Variants in ZNF468 observed in about 807,000 individuals in gnomAD.
ZNF468 encodes the protein zinc finger protein 468.
ZNF468 carries 8 observed loss-of-function variants against 7.2 expected under a neutral mutation model. The observed-to-expected ratio is 1.11, with a 90% CI of 0.65 to 2.01. The LOEUF (loss-of-function observed/expected upper bound fraction) is 2.01, where lower values mean the gene tolerates loss of function less well. Ranked by LOEUF, ZNF468 falls within the 30% of genes most tolerant of loss-of-function variation. The pLI is 0.00. For synonymous variants in ZNF468, 218 were observed against 214.4 expected, an observed-to-expected ratio of 1.02 and a Z score of -0.15; for missense variants, 608 against 626.5, an observed-to-expected ratio of 0.97 and a Z score of 0.31.
chr19:52,851,638 G>C (rs1462961318), intron 2 of ZNF468, among the ~76,000 whole-genome samples: 1 of 152,008 alleles, frequency 6.6e-6, no homozygotes, highest in Non-Finnish European at 1.5e-5. Context: ...CTACCTCAGA[G>C]GCAGAGGTCA....
At position 52,849,335 on chromosome 19, in the gene ZNF468, A is replaced by G. The variant is rs1420859685; in HGVS notation, c.16-122T>C. The stretch of plus-strand genomic sequence containing the variant: ...TGTAGAGAATGTTCTGACAAATCCA[A>G]ATAAGGGATTTCTCACTACATGATG... On this transcript the variant is annotated intron_variant, in intron 2 of 3. Coordinates refer to ENST00000595646, the MANE Select transcript of ZNF468 (RefSeq NM_001008801.2). 5 of 1,549,304 alleles carry G rather than the reference A, an allele frequency of 3.2e-6. 1 individual carries two copies. The African/African-American group carries it at 5.5e-5, about 17-fold the overall frequency.
In ZNF468 at chr19:52,838,812, C is replaced by A. The variant is rs1042815934; in HGVS notation, c.*1913G>T. 21 of 152,108 alleles carry A rather than the reference C, an allele frequency of 1.4e-4. No homozygotes were observed. The highest frequency in any genetic ancestry group is 5.1e-4 in the African/African-American group (21 of 41,398). 9.4% of individuals were successfully genotyped at this position (152,108 alleles called of 1,614,324 possible). On this transcript the variant is annotated 3_prime_UTR_variant, in exon 4 of 4. Coordinates refer to ENST00000595646, the MANE Select transcript of ZNF468 (RefSeq NM_001008801.2). Reference sequence around the variant, plus strand: ...AGGTTTGTACCTTGAAATCTATAAACATTGATCAAAATGATTAAAAACATG... The same window carrying A: ...AGGTTTGTACCTTGAAATCTATAAAAATTGATCAAAATGATTAAAAACATG...
chr19:52,854,356 A>C lies in ZNF468; in HGVS notation c.-73-11T>G. ...CTTTAGAAGTCAATCCTGAATGTTA[A>C]AAATATGTTGTTTATCACTCAGAAT... On this transcript the variant is annotated splice_polypyrimidine_tract_variant and intron_variant, in intron 1 of 3. Coordinates refer to ENST00000595646, the MANE Select transcript of ZNF468 (RefSeq NM_001008801.2). 6.2e-7 allele frequency: 1 copy of C among 1,604,628 alleles called. No homozygotes were observed. The highest frequency in any genetic ancestry group is 8.5e-7 in the Non-Finnish European group (1 of 1,172,732).
chr19:52,850,967 T>C (rs926633277), intron 2 of ZNF468, among the ~76,000 whole-genome samples: 6 of 151,596 alleles, frequency 4.0e-5, no homozygotes, highest in Admixed American at 3.9e-4. Context: ...AATATAACAA[T>C]ATATATTTAA....
Position 52,841,112 on chromosome 19 carries a change from G to A in ZNF468, c.1182C>T (p.Arg394=), listed in dbSNP as rs767618966. The part of the protein sequence containing the change: ...KCEECDKVFS[R]KSHLERHRRI... The stretch of plus-strand genomic sequence containing the variant: ...TCCTATGTCTTTCAAGGTGTGATTT[G>A]CGACTGAAAACTTTGTCACACTCTT... Residue 394 remains arginine, a synonymous_variant, in exon 4 of 4, where the codon CGC becomes CGT. Transcript: ENST00000595646. 2 of 1,613,386 alleles carry A rather than the reference G, an allele frequency of 1.2e-6. No individual in the cohort carries two copies. Among genetic ancestry groups the A allele is most frequent in the East Asian group, 4.5e-5 (2 of 44,788 alleles).
At chr19:52,842,970 A>T (rs2063317571) in intron 3 of ZNF468, among the ~76,000 whole-genome samples, 1 of 151,704 alleles carries the variant, frequency 6.6e-6, no homozygotes, top group Admixed American at 6.6e-5. Flanking sequence ...AAAGACACAA[A>T]AAGTAGCTGG....
In ZNF468 at chr19:52,843,972, A is replaced by G. The variant is rs138445853; in HGVS notation, c.143-1821T>C. Among the ~76,000 whole-genome samples the G allele has an allele frequency of 1.1e-3, 168 of 152,256 alleles. 1 individual carries two copies. The highest frequency in any genetic ancestry group is 2.1e-3 in the Non-Finnish European group (143 of 68,014). On this transcript the variant is annotated intron_variant, in intron 3 of 3. Transcript: ENST00000595646. Reference sequence around the variant, plus strand: ...CCATCTCTACTAAAACTACAAAAAAATCAGCCAGGCATGAAGGAAGACGCC... The same window carrying G: ...CCATCTCTACTAAAACTACAAAAAAGTCAGCCAGGCATGAAGGAAGACGCC...
At chr19:52,848,040 T>C (rs1600523218) in intron 3 of ZNF468, among the ~76,000 whole-genome samples, 1 of 152,198 alleles carries the variant, frequency 6.6e-6, no homozygotes, top group Non-Finnish European at 1.5e-5. Context: ...GCTGGCGCCC[T>C]TCAGAAAGAT....
Position 52,850,638 on chromosome 19 carries a change from G to A in ZNF468, c.16-1425C>T, listed in dbSNP as rs113598785. Among the ~76,000 whole-genome samples, 362 of 152,216 alleles carry A rather than the reference G, an allele frequency of 2.4e-3. 1 individual carries two copies. The highest frequency in any genetic ancestry group is 8.4e-3 in the African/African-American group (348 of 41,538). ...TTATGGGCCGGGCGCGGTGGCTCACGCCTGTAATCCCAGCACTTTGGGAGG... is the reference window on the plus strand; with the variant it reads ...TTATGGGCCGGGCGCGGTGGCTCACACCTGTAATCCCAGCACTTTGGGAGG... On this transcript the variant is annotated intron_variant, in intron 2 of 3. Transcript: ENST00000595646.
At chr19:52,843,579 C>T (rs2063322050) in intron 3 of ZNF468, among the ~76,000 whole-genome samples, 1 of 152,056 alleles carries the variant, frequency 6.6e-6, no homozygotes, top group Non-Finnish European at 1.5e-5. Context: ...ATATTGCATA[C>T]CACATACCGA....
chr19:52,848,868 C>T (rs1162087424), intron 3 of ZNF468, among the ~76,000 whole-genome samples: 2 of 152,066 alleles, frequency 1.3e-5, no homozygotes, highest in East Asian at 3.9e-4. Flanking sequence ...AGGTTTTATG[C>T]TTACTTTACT....
At chr19:52,843,616 CAATT>C (rs2063322327) in intron 3 of ZNF468, among the ~76,000 whole-genome samples, 1 of 152,044 alleles carries the variant, frequency 6.6e-6, no homozygotes, top group Non-Finnish European at 1.5e-5. Context: ...TCATAAAAAT[CAATT>C]AATCAAATAT....
chr19:52,847,813 C>A (rs1356699556), intron 3 of ZNF468, among the ~76,000 whole-genome samples: 1 of 152,146 alleles, frequency 6.6e-6, no homozygotes. Flanking sequence ...CTTCTCCCCA[C>A]CTGTTGCCCT....
In ZNF468 at chr19:52,840,069, G is replaced by A. The variant is rs2063281620; in HGVS notation, c.*656C>T. 7.7e-6 allele frequency: 8 copies of A among 1,032,460 alleles called. No homozygotes were observed. The highest frequency in any genetic ancestry group is 1.0e-5 in the Non-Finnish European group (8 of 764,966). The allele number at this position is 1,032,460 out of a possible 1,614,324, so 64.0% of individuals were successfully genotyped here. A position where few individuals can be genotyped will look rare whatever the true frequency, so the allele number is the denominator to read the frequency against. ...TCTCTCCAGTGTGAATTCTAGTATG[G>A]GGTGCCACGTGTGAATCATTCCCGA... On this transcript the variant is annotated 3_prime_UTR_variant, in exon 4 of 4. Transcript: ENST00000595646.
Position 52,841,429 on chromosome 19 carries a change from G to A in ZNF468, c.865C>T (p.His289Tyr). ...TFGHNSSLFI[H>Y]KALHTGEKPY... is the part of the protein sequence containing the mutation. Reference sequence around the variant, plus strand: ...TTCTCTCCAGTATGAAGCGCTTTGTGAATGAAGAGGGATGAATTATGACCA... The same window carrying A: ...TTCTCTCCAGTATGAAGCGCTTTGTAAATGAAGAGGGATGAATTATGACCA... The change falls in exon 4 of 4, where the codon CAC becomes TAC. Residue 289 changes from histidine to tyrosine, a missense_variant. His to Tyr is a moderately conservative substitution (Grantham distance 83). Transcript: ENST00000595646. 1 of 1,613,952 alleles carries A rather than the reference G, an allele frequency of 6.2e-7. No homozygotes were observed. Among genetic ancestry groups the A allele is most frequent in the Non-Finnish European group, 8.5e-7 (1 of 1,179,948 alleles).
intron 2 of ZNF468, among the ~76,000 whole-genome samples, chr19:52,851,999 G>C (rs1259260437): frequency 6.6e-6 from 1 of 152,050 alleles, no homozygotes; most frequent in Non-Finnish European, 1.5e-5. Flanking sequence ...AGCAAGATTT[G>C]TTTAACTGAA....
chr19:52,853,459 C>A (rs1336818987), intron 2 of ZNF468, among the ~76,000 whole-genome samples: 1 of 152,074 alleles, frequency 6.6e-6, no homozygotes, highest in Admixed American at 6.6e-5. Flanking sequence ...GGGGCCGAGG[C>A]GGGCAGACCA....
chr19:52,855,964 G>A (rs1284965644), intron 1 of ZNF468, among the ~76,000 whole-genome samples: 2 of 152,230 alleles, frequency 1.3e-5, no homozygotes, highest in Non-Finnish European at 1.5e-5. Flanking sequence ...TTCTTACATG[G>A]GGGCCTGGAA....
rs776362100 is a variant in ZNF468 at position 52,840,731 on chromosome 19, C to T, written c.1563G>A (p.Lys521=). The T allele has an allele frequency of 1.8e-5, 29 of 1,613,086 alleles. No homozygotes were observed. The Admixed American group carries it at 3.2e-4, about 18-fold the overall frequency. Residue 521 remains lysine, a synonymous_variant, in exon 4 of 4, where the codon AAG becomes AAA. Transcript: ENST00000595646. ...VYHHRLHSGE[K]P Reference sequence around the variant, plus strand: ...TGCCACACTCATTACACTATTAAGGCTTCTCTCCACTATGAAGCCTATGAT... The same window carrying T: ...TGCCACACTCATTACACTATTAAGGTTTCTCTCCACTATGAAGCCTATGAT...
Sources: allele counts gnomAD v4.1 joint callset (sites outside exome capture counted in the v4.1 genomes callset), GRCh38; gene constraint gnomAD v4.1.1; transcripts MANE v1.5; gene names NCBI Gene and HGNC (gene_info 2026-07-23, HGNC 2026-07-21).